Variants in NAALADL2 observed in about 807,000 individuals in gnomAD.
The protein encoded by NAALADL2 is inactive N-acetylated-alpha-linked acidic dipeptidase-like protein 2.
In NAALADL2, 76 loss-of-function variants were observed where a neutral mutation model predicts 87.2. The observed-to-expected ratio is 0.87, with a 90% CI of 0.72 to 1.05. The LOEUF (loss-of-function observed/expected upper bound fraction) is 1.05, where lower values mean the gene tolerates loss of function less well. Among genes scored for constraint, NAALADL2 ranks in the 50% least tolerant of loss-of-function variants. The pLI, the probability that NAALADL2 is intolerant of heterozygous loss-of-function variation, is 0.00. For missense variants in NAALADL2, 1,089 were observed against 945.8 expected (o/e 1.15, Z -1.99); for synonymous variants, 354 against 331.0 (o/e 1.07, Z -0.75).
At chr3:175,476,836 G>C (rs1165545165) in intron 9 of NAALADL2, among the ~76,000 whole-genome samples, 1 of 152,108 alleles carries the variant, frequency 6.6e-6, no homozygotes, top group African/African-American at 2.4e-5. Flanking sequence ...TGAGTGACTG[G>C]AGCCCTGACT....
At chr3:174,616,161 G>T (rs1232263065) in intron 2 of NAALADL2, among the ~76,000 whole-genome samples, 2 of 151,704 alleles carry the variant, frequency 1.3e-5, no homozygotes, top group African/African-American at 4.8e-5. Flanking sequence ...CACAATCGTT[G>T]ATGTTGTAAA....
At chr3:175,596,013 A>AT (rs1313634576) in intron 10 of NAALADL2, among the ~76,000 whole-genome samples, 1 of 151,990 alleles carries the variant, frequency 6.6e-6, no homozygotes, top group African/African-American at 2.4e-5. Flanking sequence ...TAACTTCTCC[A>AT]TTTTTTAATT....
rs74825566 is a variant in NAALADL2 at position 174,717,393 on chromosome 3, A to G, written c.-114-20248A>G. The stretch of plus-strand genomic sequence containing the variant: ...TGAAAATAATGCTGTGCACTGCAAA[A>G]TAGGAGGGAAAAATGTCATGCCGGT... On this transcript the variant is annotated intron_variant, in intron 2 of 3. Transcript: ENST00000434257. Among the ~76,000 whole-genome samples, 82 of 152,322 alleles carry G rather than the reference A, an allele frequency of 5.4e-4. 1 individual carries two copies. The East Asian group carries it at 8.3e-3, about 15-fold the overall frequency.
intron 2 of NAALADL2, among the ~76,000 whole-genome samples, chr3:175,231,844 T>C (rs1050086888): frequency 1.3e-5 from 2 of 152,174 alleles, no homozygotes; most frequent in Non-Finnish European, 2.9e-5. Context: ...GGTTCACCTT[T>C]GTAAATGACT....
intron 2 of NAALADL2, among the ~76,000 whole-genome samples, chr3:174,561,525 AG>A (rs1196701809): frequency 6.6e-6 from 1 of 152,136 alleles, no homozygotes; most frequent in Non-Finnish European, 1.5e-5. Context: ...AACTCAGGCC[AG>A]GGTGGTCACA....
chr3:174,492,647 T>G lies in NAALADL2; in HGVS notation c.-184+51615T>G, dbSNP rs555482191. Among the ~76,000 whole-genome samples the G allele has an allele frequency of 9.8e-5, 15 of 152,322 alleles. No homozygotes were observed. The South Asian group carries it at 3.1e-3, about 32-fold the overall frequency. ...TTAAGAGTCTGGAAGGTCTATGGTT[T>G]TCAGCTGTGTAAACATTTCCAAATG... On this transcript the variant is annotated intron_variant, in intron 1 of 3. Coordinates refer to the NAALADL2 transcript ENST00000434257.
At chr3:174,577,557 C>A (rs1715668724) in intron 2 of NAALADL2, among the ~76,000 whole-genome samples, 1 of 152,058 alleles carries the variant, frequency 6.6e-6, no homozygotes, top group East Asian at 1.9e-4. Context: ...TGAAAAATGA[C>A]AGCTGAATAT....
intron 5 of NAALADL2, among the ~76,000 whole-genome samples, chr3:175,405,052 A>G (rs1712063738): frequency 6.6e-6 from 1 of 152,138 alleles, no homozygotes. Context: ...CCTATATCCA[A>G]CTTTATCCTG....
chr3:174,892,501 A>T (rs974745309), intron 1 of NAALADL2, among the ~76,000 whole-genome samples: 1 of 152,140 alleles, frequency 6.6e-6, no homozygotes, highest in African/African-American at 2.4e-5. Flanking sequence ...AAATAGCCTC[A>T]AAAGGTAAAA....
chr3:174,697,537 G>A (rs1211440663), intron 2 of NAALADL2, among the ~76,000 whole-genome samples: 1 of 151,974 alleles, frequency 6.6e-6, no homozygotes, highest in East Asian at 1.9e-4. Flanking sequence ...AAGATACAAG[G>A]GTATGTTGAA....
chr3:175,717,803 AT>A (rs10575051), intron 11 of NAALADL2, among the ~76,000 whole-genome samples: 6,299 of 117,882 alleles, frequency 0.053, 309 homozygotes, highest in African/African-American at 0.22. Flanking sequence ...AAGAGAGCAG[AT>A]TTTTTTTTTT....
At chr3:175,575,700 A>G (rs1476293742) in intron 9 of NAALADL2, among the ~76,000 whole-genome samples, 1 of 152,190 alleles carries the variant, frequency 6.6e-6, no homozygotes, top group Non-Finnish European at 1.5e-5. Context: ...CTTTTTAGAG[A>G]CTCAACATTC....
At chr3:175,578,275 C>A (rs1719202289) in intron 10 of NAALADL2, among the ~76,000 whole-genome samples, 1 of 152,082 alleles carries the variant, frequency 6.6e-6, no homozygotes, top group African/African-American at 2.4e-5. Flanking sequence ...ATACAAAAAT[C>A]AGCTGGCCGT....
chr3:174,735,347 T>G (rs1190095721), intron 2 of NAALADL2, among the ~76,000 whole-genome samples: 2 of 152,204 alleles, frequency 1.3e-5, no homozygotes, highest in Non-Finnish European at 2.9e-5. Context: ...TCACAATAGT[T>G]CTGCAAGTTT....
At chr3:175,272,725 A>G (rs543451872) in intron 4 of NAALADL2, among the ~76,000 whole-genome samples, 72 of 152,232 alleles carry the variant, frequency 4.7e-4, no homozygotes, top group African/African-American at 1.6e-3. Context: ...AAAATCATAT[A>G]ATATACTTCC....
chr3:175,540,051 A>C (rs575773446), intron 9 of NAALADL2, among the ~76,000 whole-genome samples: 1 of 152,320 alleles, frequency 6.6e-6, no homozygotes, highest in South Asian at 2.1e-4. Context: ...ATTATTCAAC[A>C]CATGGATAGG....
intron 13 of NAALADL2, among the ~76,000 whole-genome samples, chr3:175,771,788 A>C (rs1293187346): frequency 6.6e-6 from 1 of 152,216 alleles, no homozygotes; most frequent in South Asian, 2.1e-4. Flanking sequence ...TACTGCTAAT[A>C]AAGATATACC....
intron 2 of NAALADL2, among the ~76,000 whole-genome samples, chr3:175,180,570 T>C (rs541224267): frequency 2.5e-4 from 38 of 152,130 alleles, no homozygotes; most frequent in African/African-American, 8.2e-4. Context: ...CCACACACTG[T>C]ATCTCTCTAT....
intron 4 of NAALADL2, among the ~76,000 whole-genome samples, chr3:175,304,694 C>A (rs887490400): frequency 1.8e-4 from 28 of 152,284 alleles, no homozygotes; most frequent in African/African-American, 6.5e-4. Context: ...CATGGTCAAA[C>A]TACTCTGGAA....
Sources: allele counts gnomAD v4.1 joint callset (sites outside exome capture counted in the v4.1 genomes callset), GRCh38; gene constraint gnomAD v4.1.1; transcripts MANE v1.5; gene names NCBI Gene and HGNC (gene_info 2026-07-23, HGNC 2026-07-21).